The following ADH1A variants were observed in gnomAD, a reference collection of about 807,000 sequenced individuals.
ADH1A encodes the protein alcohol dehydrogenase 1A.
A neutral mutation model predicts 35.2 loss-of-function variants in ADH1A; 29 were observed. The observed-to-expected ratio is 0.82, with a 90% confidence interval of 0.61 to 1.12. ADH1A has a LOEUF of 1.12. Among genes scored for constraint, ADH1A ranks in the 50% most tolerant of loss-of-function variants. ADH1A has a pLI of 0.00. For missense variants in ADH1A, 469 were observed against 464.7 expected, an observed-to-expected ratio of 1.01 and a Z score of -0.09; for synonymous variants, 147 against 164.8, an observed-to-expected ratio of 0.89 and a Z score of 0.83.
intron 2 of ADH1A, among the ~76,000 whole-genome samples, chr4:99,287,220 C>T (rs1057423721): frequency 2.6e-5 from 4 of 152,086 alleles, no homozygotes; most frequent in Non-Finnish European, 5.9e-5. Flanking sequence ...GTAACTGATC[C>T]TGAAATAGTT....
chr4:99,278,899 A>G (rs1732929281), intron 8 of ADH1A, among the ~76,000 whole-genome samples: 1 of 152,148 alleles, frequency 6.6e-6, no homozygotes, highest in Non-Finnish European at 1.5e-5. Context: ...ACTTTTATTG[A>G]TAAAAAAATT....
chr4:99,290,253 A>G (rs1198944905), intron 1 of ADH1A, among the ~76,000 whole-genome samples: 1 of 152,108 alleles, frequency 6.6e-6, no homozygotes, highest in South Asian at 2.1e-4. Context: ...GTAAAACCAT[A>G]TTGACTTTTA....
chr4:99,285,580 GTTA>G (rs1316813722), intron 3 of ADH1A, among the ~76,000 whole-genome samples: 6 of 152,214 alleles, frequency 3.9e-5, no homozygotes, highest in South Asian at 2.1e-4. Context: ...TTATTTAGTA[GTTA>G]TTATTAGTAG....
intron 1 of ADH1A, among the ~76,000 whole-genome samples, chr4:99,289,303 GGATGC>G (rs1733234708): frequency 6.6e-6 from 1 of 152,088 alleles, no homozygotes; most frequent in African/African-American, 2.4e-5. Context: ...AATCTCATAA[GGATGC>G]TACCAGGACA....
chr4:99,276,475 C>A lies in ADH1A; in HGVS notation c.*149G>T. On this transcript the variant is annotated 3_prime_UTR_variant, in exon 9 of 9. Transcript: ENST00000209668. ...ATTTGCTTGAAAAATAATTTTACAT[C>A]AATTTCCATTTCTTTGGAAAGCCCC... The A allele has an allele frequency of 1.4e-6, 1 of 726,820 alleles. No individual in the cohort carries two copies. Among genetic ancestry groups the A allele is most frequent in the Non-Finnish European group, 2.4e-6 (1 of 424,352 alleles). The allele number at this position is 726,820 out of a possible 1,614,324, so 45.0% of individuals were successfully genotyped here.
chr4:99,280,231 C>G lies in ADH1A; in HGVS notation c.877G>C (p.Val293Leu), dbSNP rs149408684. The change falls in exon 7 of 9, where the codon GTA becomes CTA. Residue 293 changes from valine (V) to leucine (L), a missense_variant. Coordinates refer to ENST00000209668, the MANE Select transcript of ADH1A (RefSeq NM_000667.4). ...TTTTGGGAATCAGGAGGTACCCCTA[C>G]GATGACACTTGTGCCACATGCCTCA... ...CHEACGTSVI[V>L]GVPPDSQNLS... The G allele has an allele frequency of 6.2e-7, 1 of 1,613,782 alleles. No individual in the cohort carries two copies. Among genetic ancestry groups the G allele is most frequent in the East Asian group, 2.2e-5 (1 of 44,874 alleles).
At chr4:99,281,793 T>C (rs1278353847) in intron 6 of ADH1A, 1 of 173,954 alleles carries the variant, frequency 5.7e-6, no homozygotes, top group East Asian at 1.6e-4. Flanking sequence ...GCTCTAGTTT[T>C]GTGCCAGGTA....
At chr4:99,289,791 C>A (rs1020355793) in intron 1 of ADH1A, among the ~76,000 whole-genome samples, 20 of 152,110 alleles carry the variant, frequency 1.3e-4, no homozygotes, top group Non-Finnish European at 2.1e-4. Context: ...TGTAGGAACT[C>A]ATTATTTCTT....
intron 1 of ADH1A, 22 bp downstream of exon 1, chr4:99,290,875 C>T (rs200446120): frequency 2.2e-5 from 36 of 1,607,640 alleles, no homozygotes; most frequent in Non-Finnish European, 3.0e-5. Context: ...ATAGTTCCAA[C>T]AGTAATATAT....
chr4:99,280,569 G>C (rs1732978145), intron 6 of ADH1A, among the ~76,000 whole-genome samples: 1 of 152,152 alleles, frequency 6.6e-6, no homozygotes, highest in Admixed American at 6.5e-5. Context: ...ATTAAGTCCA[G>C]TTCCTTATAT....
At chr4:99,287,454 C>T (rs963370492) in intron 2 of ADH1A, 110 bp downstream of exon 2, 2 of 1,049,466 alleles carry the variant, frequency 1.9e-6, no homozygotes, top group Non-Finnish European at 2.7e-6. Flanking sequence ...CTTTCCTTGA[C>T]AACAAGTATA....
chr4:99,280,311 C>A (rs370898699), intron 6 of ADH1A, 32 bp from the exon 7 acceptor site: 1 of 1,611,792 alleles, frequency 6.2e-7, no homozygotes, highest in South Asian at 1.1e-5. Flanking sequence ...GCATTCTTAA[C>A]ATGGAGTCGC....
At chr4:99,277,623 A>C (rs527961080) in intron 8 of ADH1A, among the ~76,000 whole-genome samples, 3 of 152,192 alleles carry the variant, frequency 2.0e-5, no homozygotes, top group African/African-American at 7.2e-5. Context: ...TACTAGGCAT[A>C]TGTACAAGTT....
intron 7 of ADH1A, among the ~76,000 whole-genome samples, chr4:99,279,801 T>C (rs1732953584): frequency 6.6e-6 from 1 of 152,024 alleles, no homozygotes. Context: ...ATAGTACAGA[T>C]GTTATGCCCA....
rs767749235 is a variant in ADH1A, at chr4:99,276,665, G to T, written c.1104-17C>A. 3.7e-6 allele frequency: 6 copies of T among 1,608,206 alleles called. No homozygotes were observed. In the African/African-American group the frequency reaches 8.0e-5, roughly 22 times the overall value. On this transcript the variant is annotated splice_polypyrimidine_tract_variant and intron_variant, in intron 8 of 8. Transcript: ENST00000209668. ...GTACGGATACTGCAATAGGAAAGAA[G>T]AGACATTGTATTAGCATTTAGACAT...
Position 99,284,555 on chromosome 4 carries a change from G to A in ADH1A, c.411C>T (p.Pro137=). The change falls in exon 5 of 9, where the codon CCC becomes CCT. Residue 137 remains proline (P), a synonymous_variant. Transcript: ENST00000209668. ...GTSRFTCRRK[P]IHHFLGISTF... is the part of the protein sequence containing the mutation. ...TGCTGATGCCAAGGAAGTGGTGGAT[G>A]GGCTTCCTCCTGCAGGTGAACCTGC... 1.2e-6 allele frequency: 2 copies of A among 1,614,214 alleles called. No homozygotes were observed. Among genetic ancestry groups the A allele is most frequent in the Non-Finnish European group, 1.7e-6 (2 of 1,180,050 alleles).
intron 1 of ADH1A, chr4:99,288,567 GAATC>G (rs1733214206): frequency 6.6e-6 from 1 of 152,140 alleles, no homozygotes; most frequent in South Asian, 2.1e-4. Context: ...TTTCCAGAGA[GAATC>G]AACAAAATTG....
At chr4:99,287,466 T>G in intron 2 of ADH1A, 98 bp downstream of exon 2, 4 of 1,184,696 alleles carry the variant, frequency 3.4e-6, no homozygotes, top group Non-Finnish European at 4.8e-6. Flanking sequence ...ACAAGTATAT[T>G]CTATTTTCTG....
At chr4:99,288,350 T>C (rs2110612406) in intron 1 of ADH1A, among the ~76,000 whole-genome samples, 1 of 152,194 alleles carries the variant, frequency 6.6e-6, no homozygotes, top group Non-Finnish European at 1.5e-5. Flanking sequence ...TGTGTGTGTG[T>C]GTGTGTGTAT....
Sources: allele counts gnomAD v4.1 joint callset (sites outside exome capture counted in the v4.1 genomes callset), GRCh38; gene constraint gnomAD v4.1.1; transcripts MANE v1.5; gene names NCBI Gene and HGNC (gene_info 2026-07-23, HGNC 2026-07-21).